Variants in SVBP observed in about 807,000 individuals in gnomAD.
SVBP encodes the protein small vasohibin-binding protein.
In SVBP, 9 loss-of-function variants were observed where a neutral mutation model predicts 9.2. The ratio of observed to expected loss-of-function variants is 0.98; its 90% CI spans 0.59 to 1.71. The LOEUF is 1.71. Among genes scored for constraint, SVBP ranks in the 40% most tolerant of loss-of-function variants. The pLI, the probability that SVBP is intolerant of heterozygous loss-of-function variation, is 0.00. For synonymous variants in SVBP, 27 were observed against 23.9 expected (o/e 1.13, Z -0.37); for missense variants, 63 against 73.2 (o/e 0.86, Z 0.51).
intron 2 of SVBP, among the ~76,000 whole-genome samples, chr1:42,808,576 A>G (rs1379943416): frequency 6.8e-6 from 1 of 147,094 alleles, no homozygotes; most frequent in Non-Finnish European, 1.5e-5. Context: ...TATATATACT[A>G]TATAGTATAT....
intron 2 of SVBP, among the ~76,000 whole-genome samples, chr1:42,810,471 A>G (rs1654061815): frequency 6.6e-6 from 1 of 152,016 alleles, no homozygotes; most frequent in African/African-American, 2.4e-5. Context: ...TATATTTGAA[A>G]ACCTCTGCTT....
chr1:42,816,654 T>C, intron 1 of SVBP, 74 bp from the exon 2 acceptor site: 1 of 732,708 alleles, frequency 1.4e-6, no homozygotes, highest in East Asian at 2.6e-5. Flanking sequence ...ACTCCTCTAA[T>C]CCTTTAGCTC....
intron 1 of SVBP, 194 bp from the exon 2 acceptor site, chr1:42,816,774 A>T: frequency 2.0e-6 from 1 of 501,086 alleles, no homozygotes; most frequent in Non-Finnish European, 3.5e-6. Context: ...GTCCCTGGGC[A>T]AGTCTCCTCC....
chr1:42,810,117 T>TACACACACACAC (rs1260764884), intron 2 of SVBP, among the ~76,000 whole-genome samples: 1 of 112,644 alleles, frequency 8.9e-6, no homozygotes, highest in South Asian at 2.9e-4. Flanking sequence ...CACACACACA[T>TACACACACACAC]ACATACATAC....
rs1037735475 is a variant in SVBP at position 42,817,333 on chromosome 1, G to T, written c.-180C>A. The T allele has an allele frequency of 9.7e-6, 10 of 1,035,746 alleles. No individual in the cohort carries two copies. Among genetic ancestry groups the T allele is most frequent in the South Asian group, 4.8e-5 (3 of 62,796 alleles). 64.2% of individuals were successfully genotyped at this position (1,035,746 alleles called of 1,614,324 possible). A position where few individuals can be genotyped will look rare whatever the true frequency, so the allele number is the denominator to read the frequency against. Reference sequence around the variant, plus strand: ...TCGTCCTGGGCGGGGCCGCGCGCCGGGGGGAGGGGCGCAGGGCCGAGCGCC... The same window carrying T: ...TCGTCCTGGGCGGGGCCGCGCGCCGTGGGGAGGGGCGCAGGGCCGAGCGCC... On this transcript the variant is annotated 5_prime_UTR_variant, in exon 1 of 3. Transcript: ENST00000372521.
chr1:42,810,123 C>CAT (rs1491109224), intron 2 of SVBP, among the ~76,000 whole-genome samples: 1 of 133,842 alleles, frequency 7.5e-6, no homozygotes, highest in East Asian at 2.3e-4. Flanking sequence ...CACATACATA[C>CAT]ATACACACAC....
At chr1:42,814,238 G>A (rs1347194563) in intron 2 of SVBP, among the ~76,000 whole-genome samples, 4 of 148,868 alleles carry the variant, frequency 2.7e-5, no homozygotes, top group African/African-American at 7.4e-5. Context: ...GCACCACCAC[G>A]CCCAGCTAAT....
intron 2 of SVBP, among the ~76,000 whole-genome samples, chr1:42,808,162 T>TATAC (rs1419873013): frequency 1.6e-5 from 2 of 124,936 alleles, no homozygotes; most frequent in East Asian, 4.7e-4. Context: ...TATATATATA[T>TATAC]ATATATATAT....
intron 1 of SVBP, 163 bp from the exon 2 acceptor site, chr1:42,816,743 A>T: frequency 3.7e-6 from 2 of 534,900 alleles, no homozygotes; most frequent in South Asian, 4.7e-5. Context: ...ACCGAGTCCC[A>T]AGGCCACAAC....
At chr1:42,810,299 C>A (rs1393487014) in intron 2 of SVBP, among the ~76,000 whole-genome samples, 2 of 152,104 alleles carry the variant, frequency 1.3e-5, no homozygotes, top group Non-Finnish European at 2.9e-5. Flanking sequence ...AGGCGTGCAC[C>A]ACCGTGCCTG....
Position 42,817,210 on chromosome 1 carries a change from G to A in SVBP, c.-57C>T. The A allele has an allele frequency of 8.0e-7, 1 of 1,256,608 alleles. No individual in the cohort carries two copies. The highest frequency in any genetic ancestry group is 1.0e-6 in the Non-Finnish European group (1 of 974,254). The allele number at this position is 1,256,608 out of a possible 1,614,324, so 77.8% of individuals were successfully genotyped here. The stretch of plus-strand genomic sequence containing the variant: ...TGTACCTTTCCCGACCGGGCCACTG[G>A]AAGTTGGAGCCTCCGCCGAGTCGCA... On this transcript the variant is annotated 5_prime_UTR_variant, in exon 1 of 3. Transcript: ENST00000372521.
At chr1:42,811,979 G>A (rs150671579) in intron 2 of SVBP, among the ~76,000 whole-genome samples, 1 of 149,988 alleles carries the variant, frequency 6.7e-6, no homozygotes, top group Non-Finnish European at 1.5e-5. Flanking sequence ...ATTAAGAATA[G>A]GGAAAAACCC....
intron 2 of SVBP, chr1:42,816,145 C>T: frequency 8.9e-6 from 3 of 338,316 alleles, no homozygotes; most frequent in African/African-American, 4.3e-5. Flanking sequence ...CATTCTGACC[C>T]CTTCTTTCCC....
At chr1:42,808,018 GA>G (rs1205882906) in intron 2 of SVBP, among the ~76,000 whole-genome samples, 1 of 151,422 alleles carries the variant, frequency 6.6e-6, no homozygotes, top group Non-Finnish European at 1.5e-5. Flanking sequence ...TGGGGAGCTG[GA>G]GAAAGCAAGA....
At chr1:42,816,260 C>A in intron 2 of SVBP, 171 bp downstream of exon 2, 2 of 529,666 alleles carry the variant, frequency 3.8e-6, no homozygotes, top group Non-Finnish European at 3.3e-6. Context: ...TGATTCTGGG[C>A]TGCCACCTCA....
chr1:42,813,693 G>A (rs2124250887), intron 2 of SVBP: 1 of 533,254 alleles, frequency 1.9e-6, no homozygotes, highest in East Asian at 5.4e-5. Flanking sequence ...AGTATAGATA[G>A]CTCTGTTCCT....
rs776391707 is a variant in SVBP, at chr1:42,817,241, C to T, written c.-88G>A. 8.0e-7 allele frequency: 1 copy of T among 1,254,590 alleles called. No homozygotes were observed. Among genetic ancestry groups the T allele is most frequent in the South Asian group, 1.3e-5 (1 of 77,150 alleles). The allele number at this position is 1,254,590 out of a possible 1,614,324, so 77.7% of individuals were successfully genotyped here. ...GGAGCCTCCGCCGAGTCGCAGACAA[C>T]GCCTCCGGGAGGGTAATCCTCGCCT... On this transcript the variant is annotated 5_prime_UTR_variant, in exon 1 of 3. Transcript: ENST00000372521.
At chr1:42,807,963 G>T (rs1653995239) in intron 2 of SVBP, among the ~76,000 whole-genome samples, 2 of 151,760 alleles carry the variant, frequency 1.3e-5, no homozygotes, top group Middle Eastern at 3.4e-3. Context: ...GTCTGTTCTG[G>T]AAACTTCAAG....
At chr1:42,807,611 T>TG (rs1241135290) in intron 2 of SVBP, 111 bp from the exon 3 acceptor site, 4 of 779,796 alleles carry the variant, frequency 5.1e-6, no homozygotes, top group Non-Finnish European at 9.0e-6. Flanking sequence ...CCAGTAGTGG[T>TG]AATGCAGGGA....
Sources: gnomAD v4.1 joint callset for allele counts (sites outside exome capture counted in the v4.1 genomes callset) on GRCh38, gnomAD v4.1.1 for gene constraint, MANE v1.5 for transcripts, NCBI Gene and HGNC (gene_info 2026-07-23, HGNC 2026-07-21) for gene names.